COBL: variants seen among roughly 807,000 people sequenced by gnomAD.
The protein encoded by COBL is cordon-bleu WH2 repeat protein.
In COBL, 51 loss-of-function variants were observed where a neutral mutation model predicts 98.8. The ratio of observed to expected loss-of-function variants is 0.52; its 90% CI spans 0.41 to 0.65. The LOEUF is 0.65. COBL is among the 30% of genes least tolerant of loss of function. The pLI is 0.00. For synonymous variants in COBL, 634 were observed against 651.7 expected, an observed-to-expected ratio of 0.97 and a Z score of 0.41; for missense variants, 1,617 against 1,617.5, an observed-to-expected ratio of 1.00 and a Z score of 0.01.
intron 7 of COBL, among the ~76,000 whole-genome samples, chr7:51,060,810 A>G (rs1405307831): frequency 6.6e-6 from 1 of 152,168 alleles, no homozygotes; most frequent in African/African-American, 2.4e-5. Context: ...CCACATGGTC[A>G]GTCTGGGCTC....
chr7:51,300,873 T>C (rs982553322), intron 1 of COBL, among the ~76,000 whole-genome samples: 1 of 152,144 alleles, frequency 6.6e-6, no homozygotes, highest in Non-Finnish European at 1.5e-5. Flanking sequence ...GACTCACAAC[T>C]GTCATCAGGG....
At chr7:51,122,158 AAAC>A (rs1797797127) in intron 6 of COBL, among the ~76,000 whole-genome samples, 1 of 152,214 alleles carries the variant, frequency 6.6e-6, no homozygotes, top group South Asian at 2.1e-4. Context: ...AATCTCCTTC[AAAC>A]AACACTTGCT....
chr7:51,082,064 A>G (rs1009949026), intron 7 of COBL, among the ~76,000 whole-genome samples: 7 of 152,166 alleles, frequency 4.6e-5, no homozygotes, highest in Non-Finnish European at 1.0e-4. Flanking sequence ...TTGCCTAGAG[A>G]AAGTCAATAA....
chr7:51,084,562 G>A (rs764536002), intron 7 of COBL, among the ~76,000 whole-genome samples: 2 of 152,074 alleles, frequency 1.3e-5, no homozygotes, highest in African/African-American at 2.4e-5. Context: ...TCTCCACCTC[G>A]CCTGTAGCAC....
At chr7:51,067,648 A>C (rs1203687547) in intron 7 of COBL, among the ~76,000 whole-genome samples, 1 of 152,196 alleles carries the variant, frequency 6.6e-6, no homozygotes, top group Non-Finnish European at 1.5e-5. Flanking sequence ...TAGCTGCATG[A>C]TCTTAGGCAA....
intron 12 of COBL, chr7:51,020,906 T>C (rs1204709469): frequency 6.6e-6 from 1 of 152,248 alleles, no homozygotes; most frequent in African/African-American, 2.4e-5. Flanking sequence ...TCCTCCTACA[T>C]CAAATTTACC....
chr7:51,195,403 G>A (rs1289215874), intron 2 of COBL, among the ~76,000 whole-genome samples: 4 of 152,102 alleles, frequency 2.6e-5, no homozygotes, highest in Non-Finnish European at 4.4e-5. Context: ...ATAGCATGCT[G>A]TTTGGTTACT....
chr7:51,030,443 T>C (rs991839833), intron 9 of COBL, among the ~76,000 whole-genome samples: 1 of 152,208 alleles, frequency 6.6e-6, no homozygotes, highest in African/African-American at 2.4e-5. Context: ...TATTTCTCAT[T>C]GACAGATATG....
chr7:51,171,831 G>A (rs1401925526), intron 5 of COBL, among the ~76,000 whole-genome samples: 2 of 152,052 alleles, frequency 1.3e-5, no homozygotes, highest in African/African-American at 4.8e-5. Context: ...AATTTTACAT[G>A]GGGACTGACC....
intron 5 of COBL, among the ~76,000 whole-genome samples, chr7:51,180,933 T>C (rs910404827): frequency 6.6e-6 from 1 of 152,228 alleles, no homozygotes; most frequent in Non-Finnish European, 1.5e-5. Flanking sequence ...ATATATTGCT[T>C]GTGGTTTTAT....
chr7:51,165,418 C>T (rs191566124), intron 5 of COBL, among the ~76,000 whole-genome samples: 6 of 152,052 alleles, frequency 3.9e-5, no homozygotes, highest in Non-Finnish European at 7.4e-5. Context: ...GAGCATATAA[C>T]AATTTTAAAT....
chr7:51,169,255 C>G (rs968656264), intron 5 of COBL, among the ~76,000 whole-genome samples: 1 of 152,028 alleles, frequency 6.6e-6, no homozygotes, highest in African/African-American at 2.4e-5. Context: ...GCTGGAAGTC[C>G]CCCAACACCC....
At chr7:51,118,262 T>C (rs1797452412) in intron 6 of COBL, among the ~76,000 whole-genome samples, 1 of 152,100 alleles carries the variant, frequency 6.6e-6, no homozygotes, top group Non-Finnish European at 1.5e-5. Context: ...ACATTTGTTA[T>C]CTCAGTTTCC....
chr7:51,262,227 CAGA>C (rs1372536508), intron 1 of COBL, among the ~76,000 whole-genome samples: 13 of 152,110 alleles, frequency 8.5e-5, no homozygotes, highest in South Asian at 4.1e-4. Flanking sequence ...GAACACAAGG[CAGA>C]AGAAGAAGTG....
intron 1 of COBL, among the ~76,000 whole-genome samples, chr7:51,300,561 G>T (rs1256981421): frequency 1.3e-5 from 2 of 152,210 alleles, no homozygotes; most frequent in African/African-American, 4.8e-5. Flanking sequence ...GAGCCATGTG[G>T]TATGTCAGAA....
chr7:51,311,050 G>A (rs80223203), intron 1 of COBL, among the ~76,000 whole-genome samples: 1,952 of 152,276 alleles, frequency 0.013, 48 homozygotes, highest in African/African-American at 0.044. Flanking sequence ...GTGTGGTGCA[G>A]GTGGGAACTG....
chr7:51,094,678 TAA>T (rs1360673914), intron 6 of COBL, among the ~76,000 whole-genome samples: 2 of 152,114 alleles, frequency 1.3e-5, no homozygotes, highest in East Asian at 3.9e-4. Flanking sequence ...TATGAATATA[TAA>T]AGTTACTCTC....
Position 51,027,969 on chromosome 7 carries a change from C to T in COBL, c.3127G>A (p.Ala1043Thr), listed in dbSNP as rs564872553. ...TGGGAAGGCTCGCCGTGGCCTGGGG[C>T]GCGCACAGAGCCATTGACCAGCTCC... ...SRELVNGSVRAPGHGEPSHPP... is the reference protein window; with the variant it reads ...SRELVNGSVRTPGHGEPSHPP... Residue 1043 changes from alanine to threonine, a missense_variant, in exon 10 of 13, where the codon GCC (alanine) becomes ACC (threonine). Physicochemically the swap from Ala to Thr is moderately conservative, Grantham distance 58. This residue lies in a region of COBL where 1,304 missense variants were observed against 1,282.0 expected (regional missense o/e 1.02). Coordinates refer to ENST00000265136, the MANE Select transcript of COBL (RefSeq NM_015198.5). 6.8e-5 allele frequency: 109 copies of T among 1,607,514 alleles called. 1 individual carries two copies. In the South Asian group the frequency reaches 8.6e-4, roughly 13 times the overall value.
chr7:51,235,885 C>T (rs1056602939), intron 1 of COBL, among the ~76,000 whole-genome samples: 2 of 152,160 alleles, frequency 1.3e-5, no homozygotes, highest in Non-Finnish European at 2.9e-5. Context: ...CTTCCTGGGC[C>T]GAGAGGGCCC....
Sources: gnomAD v4.1 joint callset for allele counts (sites outside exome capture counted in the v4.1 genomes callset) on GRCh38, gnomAD v4.1.1 for gene constraint, gnomAD v4.1.1 regional missense constraint, MANE v1.5 for transcripts, NCBI Gene and HGNC (gene_info 2026-07-23, HGNC 2026-07-21) for gene names.